The following DCDC1 variants were observed in gnomAD, a reference collection of about 807,000 sequenced individuals.
DCDC1 encodes the protein doublecortin domain-containing protein 1.
In DCDC1, 200 loss-of-function variants were observed where a neutral mutation model predicts 178.3. The ratio of observed to expected loss-of-function variants is 1.12; its 90% CI spans 1.00 to 1.26. The LOEUF (loss-of-function observed/expected upper bound fraction) is 1.26. Ranked by LOEUF, DCDC1 falls within the 50% of genes most tolerant of loss-of-function variation. DCDC1 has a pLI of 0.00. For synonymous variants in DCDC1, 690 were observed against 604.8 expected, an observed-to-expected ratio of 1.14 and a Z score of -2.07; for missense variants, 1,983 against 1,749.2, an observed-to-expected ratio of 1.13 and a Z score of -2.38.
At chr11:31,095,257 T>C (rs993445416) in intron 15 of DCDC1, among the ~76,000 whole-genome samples, 1 of 152,184 alleles carries the variant, frequency 6.6e-6, no homozygotes, top group Non-Finnish European at 1.5e-5. Flanking sequence ...TACATGTGCA[T>C]GTTTCTTTAT....
intron 34 of DCDC1, among the ~76,000 whole-genome samples, chr11:30,895,614 G>A (rs1016787154): frequency 3.3e-5 from 5 of 152,040 alleles, no homozygotes; most frequent in East Asian, 1.9e-4. Context: ...AAAAATAAAT[G>A]GCAATAATGA....
intron 2 of DCDC1, among the ~76,000 whole-genome samples, chr11:31,333,074 G>A (rs562002531): frequency 4.6e-5 from 7 of 152,278 alleles, no homozygotes; most frequent in African/African-American, 1.7e-4. Flanking sequence ...CCTGTATTGG[G>A]TGCATATATA....
chr11:31,056,458 C>T (rs985797886), intron 20 of DCDC1, among the ~76,000 whole-genome samples: 1 of 151,994 alleles, frequency 6.6e-6, no homozygotes, highest in Non-Finnish European at 1.5e-5. Flanking sequence ...ACTCCCTCAG[C>T]ATTAAAGATA....
intron 20 of DCDC1, among the ~76,000 whole-genome samples, chr11:30,987,203 G>A (rs1950703687): frequency 6.6e-6 from 1 of 152,028 alleles, no homozygotes; most frequent in Non-Finnish European, 1.5e-5. Flanking sequence ...TTTTAGTAGA[G>A]GCAGGATTTC....
chr11:30,984,408 C>A (rs1250231379), intron 20 of DCDC1, among the ~76,000 whole-genome samples: 1 of 152,112 alleles, frequency 6.6e-6, no homozygotes, highest in Non-Finnish European at 1.5e-5. Flanking sequence ...TTTTCTCTCA[C>A]AAAAATTCAC....
intron 8 of DCDC1, chr11:31,263,160 C>A: frequency 7.4e-7 from 1 of 1,356,630 alleles, no homozygotes; most frequent in Non-Finnish European, 1.0e-6. Context: ...TAACGAAGAT[C>A]CCTTATAGTT....
chr11:30,911,624 G>A (rs1021642903), intron 27 of DCDC1, among the ~76,000 whole-genome samples: 1 of 152,168 alleles, frequency 6.6e-6, no homozygotes, highest in Non-Finnish European at 1.5e-5. Context: ...CAGGATGAAG[G>A]GGCTCTCCTG....
At chr11:30,888,709 C>A (rs1489714241) in intron 36 of DCDC1, among the ~76,000 whole-genome samples, 1 of 152,176 alleles carries the variant, frequency 6.6e-6, no homozygotes, top group Non-Finnish European at 1.5e-5. Flanking sequence ...AAAAGTGGAA[C>A]TCCGTGTCAA....
At chr11:30,872,874 T>G (rs1941714049) in intron 38 of DCDC1, among the ~76,000 whole-genome samples, 1 of 151,956 alleles carries the variant, frequency 6.6e-6, no homozygotes, top group Admixed American at 6.6e-5. Context: ...GTATTTAACT[T>G]CTAAATGCCT....
chr11:31,114,127 A>T (rs1305014617), intron 11 of DCDC1, among the ~76,000 whole-genome samples: 2 of 152,140 alleles, frequency 1.3e-5, no homozygotes, highest in Admixed American at 6.6e-5. Context: ...TAGAGAAGTG[A>T]CTGCAAAACA....
intron 38 of DCDC1, among the ~76,000 whole-genome samples, chr11:30,872,235 TTTG>T (rs951566438): frequency 2.0e-5 from 3 of 152,046 alleles, no homozygotes; most frequent in Non-Finnish European, 4.4e-5. Context: ...AGTGCCATTT[TTTG>T]TTGTTGTTGT....
chr11:31,101,704 A>C (rs1169522165), intron 15 of DCDC1, among the ~76,000 whole-genome samples: 1 of 152,236 alleles, frequency 6.6e-6, no homozygotes, highest in Admixed American at 6.5e-5. Context: ...ATTAACAGGA[A>C]GTAAAGAATA....
At chr11:31,189,339 G>A (rs529773072) in intron 9 of DCDC1, among the ~76,000 whole-genome samples, 79 of 152,220 alleles carry the variant, frequency 5.2e-4, no homozygotes, top group African/African-American at 1.9e-3. Context: ...TCTAACAAAT[G>A]TAACTTCTGC....
At chr11:31,013,610 C>T (rs1360378118) in intron 20 of DCDC1, among the ~76,000 whole-genome samples, 3 of 151,992 alleles carry the variant, frequency 2.0e-5, no homozygotes, top group South Asian at 2.1e-4. Context: ...TTCACAGGAA[C>T]GTAAGAGAAT....
At chr11:31,042,180 A>G (rs1954504914) in intron 20 of DCDC1, among the ~76,000 whole-genome samples, 1 of 152,226 alleles carries the variant, frequency 6.6e-6, no homozygotes, top group Non-Finnish European at 1.5e-5. Context: ...ATTCAATATT[A>G]GGATTCTTGG....
intron 7 of DCDC1, among the ~76,000 whole-genome samples, chr11:31,286,536 A>G (rs1946852328): frequency 6.6e-6 from 1 of 151,990 alleles, no homozygotes; most frequent in Non-Finnish European, 1.5e-5. Flanking sequence ...ATCAATTATT[A>G]TTAATATTAA....
chr11:30,924,878 G>A (rs1471999953), intron 23 of DCDC1, among the ~76,000 whole-genome samples: 1 of 152,006 alleles, frequency 6.6e-6, no homozygotes, highest in Non-Finnish European at 1.5e-5. Context: ...TGTGAGACCA[G>A]CCTGAGCAAC....
chr11:30,977,793 T>C (rs536230917), intron 20 of DCDC1, among the ~76,000 whole-genome samples: 2 of 152,188 alleles, frequency 1.3e-5, no homozygotes, highest in Admixed American at 6.5e-5. Flanking sequence ...CAGCCGGGCA[T>C]TGTGGCTTGC....
At chr11:31,031,413 AAC>A (rs1953626401) in intron 20 of DCDC1, among the ~76,000 whole-genome samples, 1 of 152,160 alleles carries the variant, frequency 6.6e-6, no homozygotes, top group Non-Finnish European at 1.5e-5. Flanking sequence ...ACTAAGAATT[AAC>A]ACAGTCTAAT....
Sources: allele counts gnomAD v4.1 joint callset (sites outside exome capture counted in the v4.1 genomes callset), GRCh38; gene constraint gnomAD v4.1.1; transcripts MANE v1.5; gene names NCBI Gene and HGNC (gene_info 2026-07-23, HGNC 2026-07-21).